HECW2: variants seen among roughly 807,000 people sequenced by gnomAD.
The protein encoded by HECW2 is E3 ubiquitin-protein ligase HECW2.
Under a neutral mutation model 175.2 loss-of-function variants are expected in HECW2, and 61 were observed. That is an observed-to-expected ratio of 0.35 (90% CI 0.28 to 0.43). The LOEUF is 0.43. HECW2 is among the 20% of genes least tolerant of loss of function. The pLI is 1.00. For synonymous variants in HECW2, 671 were observed against 731.0 expected (o/e 0.92, Z 1.32); for missense variants, 1,524 against 2,000.5 (o/e 0.76, Z 4.54).
At position 196,241,014 on chromosome 2, in the gene HECW2, A is replaced by AC. The variant is rs973015531; in HGVS notation, c.3651-453_3651-452insG. ...CAAGATGACTGTGAGAACAAAGAGG[A>AC]AAAAAAAAATTCTCAATATCCTCCA... On this transcript the variant is annotated intron_variant, in intron 20 of 28. Transcript: ENST00000644978. 0.016 allele frequency among the ~76,000 whole-genome samples: 73 copies of AC among 4,598 alleles called. No individual in the cohort carries two copies. In the Non-Finnish European group the frequency reaches 0.34, roughly 21 times the overall value. 3.0% of individuals were successfully genotyped at this position (4,598 alleles called of 152,430 possible). A position where few individuals can be genotyped will look rare whatever the true frequency, so the allele number is the denominator to read the frequency against.
At chr2:196,423,107 G>T (rs1372756485) in intron 2 of HECW2, among the ~76,000 whole-genome samples, 1 of 152,044 alleles carries the variant, frequency 6.6e-6, no homozygotes, top group Non-Finnish European at 1.5e-5. Flanking sequence ...CCCTTCTTGG[G>T]AATTCATTCA....
chr2:196,343,208 T>C (rs75701424), intron 3 of HECW2, among the ~76,000 whole-genome samples: 1 of 152,296 alleles, frequency 6.6e-6, no homozygotes, highest in African/African-American at 2.4e-5. Flanking sequence ...ACATAAAGTG[T>C]CAGAGTATAT....
intron 1 of HECW2, among the ~76,000 whole-genome samples, chr2:196,579,779 G>A (rs1690703112): frequency 6.6e-6 from 1 of 152,118 alleles, no homozygotes; most frequent in African/African-American, 2.4e-5. Flanking sequence ...CACACAGATA[G>A]ACACCAGGGA....
At chr2:196,275,565 A>G (rs1192131524) in intron 15 of HECW2, among the ~76,000 whole-genome samples, 1 of 152,168 alleles carries the variant, frequency 6.6e-6, no homozygotes, top group Non-Finnish European at 1.5e-5. Flanking sequence ...CATCCTGGCC[A>G]ACATGGTGAA....
intron 2 of HECW2, among the ~76,000 whole-genome samples, chr2:196,411,989 G>A (rs1366192601): frequency 6.6e-6 from 1 of 152,146 alleles, no homozygotes; most frequent in Non-Finnish European, 1.5e-5. Context: ...CAGCCTGGGT[G>A]ACAGAGCAAG....
At chr2:196,356,007 C>T (rs1282184566) in intron 2 of HECW2, among the ~76,000 whole-genome samples, 2 of 152,134 alleles carry the variant, frequency 1.3e-5, no homozygotes, top group Non-Finnish European at 2.9e-5. Flanking sequence ...AGCCCTGAAA[C>T]AGAAGCAAGC....
intron 1 of HECW2, among the ~76,000 whole-genome samples, chr2:196,476,023 G>C (rs2125362372): frequency 6.6e-6 from 1 of 152,240 alleles, no homozygotes; most frequent in East Asian, 1.9e-4. Flanking sequence ...ACATTTCTCT[G>C]ACACAGGGAA....
chr2:196,399,691 T>G (rs1694765762), intron 2 of HECW2, among the ~76,000 whole-genome samples: 1 of 152,238 alleles, frequency 6.6e-6, no homozygotes, highest in Non-Finnish European at 1.5e-5. Context: ...ACAGGCCTAT[T>G]TGAACACCAA....
chr2:196,211,077 T>G (rs1383403606), intron 28 of HECW2, among the ~76,000 whole-genome samples: 2 of 152,232 alleles, frequency 1.3e-5, no homozygotes, highest in Non-Finnish European at 2.9e-5. Context: ...TAGCATTTCA[T>G]TCATAATAAT....
intron 2 of HECW2, among the ~76,000 whole-genome samples, chr2:196,348,617 T>C (rs34575220): frequency 0.032 from 4,929 of 152,252 alleles, 127 homozygotes; most frequent in Middle Eastern, 0.058. Flanking sequence ...CACTGCACTG[T>C]AGCCCAGATG....
At chr2:196,280,438 A>C (rs1690143214) in intron 14 of HECW2, among the ~76,000 whole-genome samples, 1 of 152,326 alleles carries the variant, frequency 6.6e-6, no homozygotes, top group East Asian at 1.9e-4. Context: ...CAGGTCCCAT[A>C]TAGAAAACAT....
intron 2 of HECW2, among the ~76,000 whole-genome samples, chr2:196,394,355 G>A (rs1251191248): frequency 2.0e-5 from 3 of 152,142 alleles, no homozygotes; most frequent in Non-Finnish European, 4.4e-5. Context: ...GGTGGTAAAT[G>A]TAAAGATAGA....
At chr2:196,325,975 C>T (rs1014631053) in intron 5 of HECW2, among the ~76,000 whole-genome samples, 2 of 152,140 alleles carry the variant, frequency 1.3e-5, no homozygotes, top group African/African-American at 2.4e-5. Context: ...GCTGGCTCCA[C>T]TGAGTCTTCA....
At chr2:196,578,554 C>G (rs1187272054) in intron 1 of HECW2, among the ~76,000 whole-genome samples, 2 of 152,018 alleles carry the variant, frequency 1.3e-5, no homozygotes, top group Non-Finnish European at 2.9e-5. Context: ...AGATTCACAC[C>G]AAGGTACATC....
At chr2:196,323,575 C>A (rs529715878) in intron 6 of HECW2, among the ~76,000 whole-genome samples, 3 of 152,234 alleles carry the variant, frequency 2.0e-5, no homozygotes, top group Admixed American at 2.0e-4. Context: ...TGGCAGTCTG[C>A]TTAATGGAAA....
intron 1 of HECW2, among the ~76,000 whole-genome samples, chr2:196,530,153 G>C (rs1351727417): frequency 6.6e-6 from 1 of 152,194 alleles, no homozygotes; most frequent in Non-Finnish European, 1.5e-5. Context: ...TTTAAAGGGT[G>C]CATGTGCTGT....
chr2:196,503,080 T>G (rs892389204), intron 1 of HECW2, among the ~76,000 whole-genome samples: 2 of 152,150 alleles, frequency 1.3e-5, no homozygotes, highest in African/African-American at 4.8e-5. Flanking sequence ...GGGCCTCACC[T>G]CTGCATAATC....
chr2:196,294,159 TATG>T (rs1203483654), intron 13 of HECW2, among the ~76,000 whole-genome samples: 2 of 151,658 alleles, frequency 1.3e-5, no homozygotes, highest in African/African-American at 4.9e-5. Context: ...TCTTCATTTC[TATG>T]ATATTTAAAG....
At chr2:196,457,847 G>A (rs1696575175) in intron 1 of HECW2, among the ~76,000 whole-genome samples, 1 of 152,088 alleles carries the variant, frequency 6.6e-6, no homozygotes, top group Non-Finnish European at 1.5e-5. Flanking sequence ...ATATACACAA[G>A]CACGCTATAC....
Sources: allele counts gnomAD v4.1 joint callset (sites outside exome capture counted in the v4.1 genomes callset), GRCh38; gene constraint gnomAD v4.1.1; transcripts MANE v1.5; gene names NCBI Gene and HGNC (gene_info 2026-07-23, HGNC 2026-07-21).